STPG2: variants seen among roughly 807,000 people sequenced by gnomAD.
STPG2 encodes sperm tail PG-rich repeat containing 2, also known as sperm-tail PG-rich repeat-containing protein 2.
In STPG2, 56 loss-of-function variants were observed where a neutral mutation model predicts 54.2. The ratio of observed to expected loss-of-function variants is 1.03; its 90% confidence interval spans 0.83 to 1.29. The LOEUF is 1.29. Among genes scored for constraint, STPG2 ranks in the 50% most tolerant of loss-of-function variants. The pLI, the probability that STPG2 is intolerant of heterozygous loss-of-function variation, is 0.00. For synonymous variants in STPG2, 200 were observed against 181.8 expected (o/e 1.10, Z -0.81); for missense variants, 596 against 544.9 (o/e 1.09, Z -0.93).
intron 9 of STPG2, among the ~76,000 whole-genome samples, chr4:97,771,534 A>G (rs1726220804): frequency 1.3e-5 from 2 of 152,170 alleles, no homozygotes; most frequent in Admixed American, 1.3e-4. Flanking sequence ...CAGGAAGGGC[A>G]CAGAGGAGAC....
At chr4:97,981,946 G>A (rs1383528676) in intron 5 of STPG2, among the ~76,000 whole-genome samples, 3 of 149,962 alleles carry the variant, frequency 2.0e-5, no homozygotes, top group Non-Finnish European at 3.0e-5. Context: ...GTGCAGTGGC[G>A]CGATCTCGGC....
chr4:97,974,285 G>T (rs1253012234), intron 6 of STPG2, among the ~76,000 whole-genome samples: 1 of 152,176 alleles, frequency 6.6e-6, no homozygotes, highest in African/African-American at 2.4e-5. Flanking sequence ...TACCCCCATT[G>T]TATCTAGGAA....
At chr4:97,972,738 T>TG (rs1734376917) in intron 6 of STPG2, among the ~76,000 whole-genome samples, 1 of 152,228 alleles carries the variant, frequency 6.6e-6, no homozygotes, top group East Asian at 1.9e-4. Flanking sequence ...AATTGAATCA[T>TG]GGGGGTGGAT....
intron 8 of STPG2, among the ~76,000 whole-genome samples, chr4:97,901,093 C>T (rs1731160190): frequency 6.6e-6 from 1 of 151,848 alleles, no homozygotes; most frequent in Non-Finnish European, 1.5e-5. Context: ...ACAAAACTTA[C>T]ATAAGTATAT....
intron 8 of STPG2, chr4:97,893,222 G>A (rs1386107745): frequency 1.3e-5 from 2 of 151,894 alleles, no homozygotes; most frequent in Non-Finnish European, 2.9e-5. Context: ...TCTGGGAGTA[G>A]GAGGATGAGT....
intron 9 of STPG2, among the ~76,000 whole-genome samples, chr4:97,833,932 CTG>C (rs1728553416): frequency 6.6e-6 from 1 of 152,084 alleles, no homozygotes; most frequent in South Asian, 2.1e-4. Context: ...AGTTCAACCA[CTG>C]TGAAAGACAG....
At chr4:97,829,864 T>A (rs958539642) in intron 9 of STPG2, among the ~76,000 whole-genome samples, 1 of 151,860 alleles carries the variant, frequency 6.6e-6, no homozygotes, top group African/African-American at 2.4e-5. Context: ...CCAAGAAATA[T>A]GGAACTGTGT....
At chr4:97,803,292 T>C (rs753536133) in intron 9 of STPG2, among the ~76,000 whole-genome samples, 44 of 152,214 alleles carry the variant, frequency 2.9e-4, no homozygotes, top group Non-Finnish European at 5.9e-4. Context: ...ATTCCACTGA[T>C]ACAAGTTACT....
chr4:97,626,447 G>A (rs939309078), intron 10 of STPG2, among the ~76,000 whole-genome samples: 7 of 151,958 alleles, frequency 4.6e-5, no homozygotes, highest in South Asian at 2.1e-4. Flanking sequence ...CATAATTAGC[G>A]TCTTCAACCT....
intron 10 of STPG2, among the ~76,000 whole-genome samples, chr4:97,665,260 T>C (rs1295998702): frequency 6.6e-6 from 1 of 152,200 alleles, no homozygotes; most frequent in Non-Finnish European, 1.5e-5. Flanking sequence ...AGCCTCACCA[T>C]TCGGCAGTTC....
intron 8 of STPG2, among the ~76,000 whole-genome samples, chr4:97,873,549 C>T (rs1398322821): frequency 1.3e-5 from 2 of 151,386 alleles, no homozygotes; most frequent in Non-Finnish European, 3.0e-5. Context: ...TGTATCTTCT[C>T]TTTTAATATG....
At chr4:97,687,524 G>GA (rs1227847011) in intron 10 of STPG2, among the ~76,000 whole-genome samples, 4 of 151,668 alleles carry the variant, frequency 2.6e-5, no homozygotes, top group Admixed American at 1.3e-4. Context: ...ATTTTTAGTA[G>GA]AGACAGGGTT....
intron 3 of STPG2, among the ~76,000 whole-genome samples, chr4:98,115,825 AGCTACTGAGCTTT>A (rs1739501847): frequency 2.0e-5 from 3 of 152,010 alleles, no homozygotes. Flanking sequence ...TAAAGCCTTC[AGCTACTGAGCTTT>A]GCCACGCTAT....
At chr4:97,759,830 G>GT (rs1321953055) in intron 9 of STPG2, among the ~76,000 whole-genome samples, 1 of 152,134 alleles carries the variant, frequency 6.6e-6, no homozygotes, top group Non-Finnish European at 1.5e-5. Flanking sequence ...AGAGATGCCA[G>GT]TTTTGGAGAC....
chr4:97,862,079 C>T (rs113408234), intron 8 of STPG2, among the ~76,000 whole-genome samples: 1 of 151,952 alleles, frequency 6.6e-6, no homozygotes, highest in Non-Finnish European at 1.5e-5. Flanking sequence ...ACAATATTAA[C>T]CTTAAATGTA....
chr4:97,743,614 A>T (rs181933963), intron 9 of STPG2, among the ~76,000 whole-genome samples: 4 of 151,714 alleles, frequency 2.6e-5, no homozygotes, highest in Non-Finnish European at 5.9e-5. Flanking sequence ...ATAAAGCAGA[A>T]TTTATTTAGC....
At chr4:97,914,138 C>G (rs775800623) in intron 8 of STPG2, among the ~76,000 whole-genome samples, 3 of 152,164 alleles carry the variant, frequency 2.0e-5, no homozygotes, top group Non-Finnish European at 4.4e-5. Context: ...CCAACAAGCA[C>G]GAAAATCTCC....
chr4:97,922,617 AAAC>A (rs1213598285), intron 8 of STPG2, among the ~76,000 whole-genome samples: 6 of 152,264 alleles, frequency 3.9e-5, no homozygotes, highest in Non-Finnish European at 5.9e-5. Flanking sequence ...ATGAAATTTT[AAAC>A]TACTGTCTCT....
At chr4:97,509,198 G>C (rs1730918835) in intron 4 of STPG2, among the ~76,000 whole-genome samples, 1 of 151,538 alleles carries the variant, frequency 6.6e-6, no homozygotes, top group African/African-American at 2.4e-5. Context: ...CTGACAGTCT[G>C]TAGCTCCTTC....
Sources: gnomAD v4.1 joint callset for allele counts (sites outside exome capture counted in the v4.1 genomes callset) on GRCh38, gnomAD v4.1.1 for gene constraint, MANE v1.5 for transcripts, NCBI Gene and HGNC (gene_info 2026-07-23, HGNC 2026-07-21) for gene names.